TLR5: variants seen among roughly 807,000 people sequenced by gnomAD.
The protein encoded by TLR5 is toll-like receptor 5.
For synonymous variants in TLR5, 373 were observed against 384.4 expected (o/e 0.97, Z 0.35); for missense variants, 944 against 999.8 (o/e 0.94, Z 0.75).
At position 223,135,721 on chromosome 1, in the gene TLR5, C is replaced by T. The variant is rs188439176; in HGVS notation, c.-352-857G>A. Among the ~76,000 whole-genome samples the T allele has an allele frequency of 3.2e-4, 49 of 152,280 alleles. 1 individual carries two copies. The highest frequency in any genetic ancestry group is 9.6e-4 in the East Asian group (5 of 5,186). ...CAATCCTCCCTGAAGCAGAACATTCCTTCTTCATTCTGGCAAATTTGCAAG... is the reference window on the plus strand; with the variant it reads ...CAATCCTCCCTGAAGCAGAACATTCTTTCTTCATTCTGGCAAATTTGCAAG... On this transcript the variant is annotated intron_variant, in intron 3 of 5. Transcript: ENST00000642603.
chr1:223,121,613 G>A (rs191027114), intron 5 of TLR5, among the ~76,000 whole-genome samples: 1 of 152,140 alleles, frequency 6.6e-6, no homozygotes, highest in Non-Finnish European at 1.5e-5. Flanking sequence ...TAATTTCCTG[G>A]GCTCAAGTGA....
intron 5 of TLR5, among the ~76,000 whole-genome samples, chr1:223,124,082 AACC>A (rs1031803592): frequency 6.6e-6 from 1 of 152,218 alleles, no homozygotes; most frequent in African/African-American, 2.4e-5. Context: ...ACACAATAAA[AACC>A]ACAAGGCTCA....
chr1:223,138,605 C>T (rs1444883834), intron 2 of TLR5, among the ~76,000 whole-genome samples: 2 of 152,102 alleles, frequency 1.3e-5, no homozygotes, highest in African/African-American at 4.8e-5. Flanking sequence ...AGAACATTTC[C>T]TTTTTAACAT....
At chr1:223,115,856 G>GA (rs1258581680) in intron 5 of TLR5, among the ~76,000 whole-genome samples, 1 of 152,056 alleles carries the variant, frequency 6.6e-6, no homozygotes, top group Non-Finnish European at 1.5e-5. Context: ...ACGTTTGAGG[G>GA]AAAGGAGCAG....
rs777129634 is a variant in TLR5 at position 223,111,122 on chromosome 1, G to T, written c.1910C>A (p.Ser637Tyr). The change falls in exon 6 of 6, where the codon TCC (serine) becomes TAC (tyrosine). Residue 637 changes from serine (S) to tyrosine (Y), a missense_variant. Ser to Tyr is a moderately radical substitution (Grantham distance 144). Coordinates refer to ENST00000642603, the MANE Select transcript of TLR5 (RefSeq NM_003268.6). ...TACAATGAAAAGGGAGAACTTTAGG[G>T]ACTTTAAGACTTCCTCTTCATCACA... is the stretch of plus-strand genomic sequence containing the variant. ...EGCDEEEVLK[S>Y]LKFSLFIVCT... 1 of 1,614,198 alleles carries T rather than the reference G, an allele frequency of 6.2e-7. No individual in the cohort carries two copies. Among genetic ancestry groups the T allele is most frequent in the Middle Eastern group, 1.6e-4 (1 of 6,062 alleles).
In TLR5 at chr1:223,110,374, G is replaced by T. The variant is rs892443937; in HGVS notation, c.*81C>A. 2 of 1,492,786 alleles carry T rather than the reference G, an allele frequency of 1.3e-6. No homozygotes were observed. The highest frequency in any genetic ancestry group is 1.7e-5 in the Admixed American group (1 of 57,942). The allele number at this position is 1,492,786 out of a possible 1,614,324, so 92.5% of individuals were successfully genotyped here. On this transcript the variant is annotated 3_prime_UTR_variant, in exon 6 of 6. Transcript: ENST00000642603. ...AAAGAAAAAAAAAACCTCCAGAGAG[G>T]ACCCCAAAATGATAACTTGGTGCAA... is the stretch of plus-strand genomic sequence containing the variant.
rs139598062 is a variant in TLR5 at position 223,110,840 on chromosome 1, T to C, written c.2192A>G (p.Glu731Gly). ...DQNRFNLCFEERDFVPGENRI... is the reference protein window; with the variant it reads ...DQNRFNLCFEGRDFVPGENRI... ...GTTTTCTCCTGGGACAAAGTCTCTT[T>C]CTTCAAAGCACAGGTTGAATCTGTT... is the stretch of plus-strand genomic sequence containing the variant. Residue 731 changes from glutamate to glycine, a missense_variant, in exon 6 of 6, where the codon GAA (glutamate) becomes GGA (glycine). Glu to Gly is a moderately conservative substitution (Grantham distance 98). Coordinates refer to ENST00000642603, the MANE Select transcript of TLR5 (RefSeq NM_003268.6). 12 of 1,614,158 alleles carry C rather than the reference T, an allele frequency of 7.4e-6. No homozygotes were observed. In the African/African-American group the frequency reaches 1.5e-4, roughly 20 times the overall value.
At chr1:223,113,703 T>C (rs1327300306) in intron 5 of TLR5, among the ~76,000 whole-genome samples, 4 of 152,184 alleles carry the variant, frequency 2.6e-5, no homozygotes, top group Non-Finnish European at 5.9e-5. Context: ...CAAGCGATCC[T>C]CCTACCTTGG....
At chr1:223,138,521 T>C (rs2353476) in intron 2 of TLR5, among the ~76,000 whole-genome samples, 91,295 of 151,846 alleles carry the variant, frequency 0.6, 28,383 homozygotes, top group East Asian at 0.76. Context: ...GTTAAACTGT[T>C]GCCACTATGC....
chr1:223,142,589 G>C (rs1379041849), intron 1 of TLR5, among the ~76,000 whole-genome samples: 1 of 152,192 alleles, frequency 6.6e-6, no homozygotes, highest in Non-Finnish European at 1.5e-5. Flanking sequence ...ACAGGAGCAT[G>C]GCCACTGGGC....
At chr1:223,125,771 T>A (rs1192778869) in intron 5 of TLR5, among the ~76,000 whole-genome samples, 1 of 152,182 alleles carries the variant, frequency 6.6e-6, no homozygotes, top group Non-Finnish European at 1.5e-5. Context: ...CACACCGGAA[T>A]CACCAGGAGA....
intron 2 of TLR5, 87 bp downstream of exon 2, chr1:223,141,561 T>A (rs1210013162): frequency 6.6e-6 from 1 of 151,708 alleles, no homozygotes; most frequent in East Asian, 1.9e-4. Flanking sequence ...TCACCTGAGG[T>A]CAGGAGTTTG....
intron 5 of TLR5, among the ~76,000 whole-genome samples, chr1:223,114,676 C>A (rs1656537315): frequency 6.6e-6 from 1 of 152,142 alleles, no homozygotes; most frequent in African/African-American, 2.4e-5. Flanking sequence ...CAAGCTACAG[C>A]AAATCAGAAG....
At chr1:223,126,461 A>G (rs1468025777) in intron 5 of TLR5, among the ~76,000 whole-genome samples, 1 of 152,208 alleles carries the variant, frequency 6.6e-6, no homozygotes, top group Non-Finnish European at 1.5e-5. Context: ...CTGCCTAAAA[A>G]TTATTAAAAT....
rs1656315154 is a variant in TLR5, at chr1:223,111,218, G to A, written c.1814C>T (p.Pro605Leu). 2 of 1,614,190 alleles carry A rather than the reference G, an allele frequency of 1.2e-6. No homozygotes were observed. Among genetic ancestry groups the A allele is most frequent in the Non-Finnish European group, 1.7e-6 (2 of 1,180,028 alleles). ...NHTNVTIAGP[P>L]ADIYCVYPDS... ...AGGGTACACACAATATATGTCTGCA[G>A]GAGGCCCAGCTATAGTGACATTGGT... Residue 605 changes from proline (P) to leucine (L), a missense_variant, in exon 6 of 6, where the codon CCT becomes CTT. Pro to Leu is a moderately conservative substitution (Grantham distance 98, BLOSUM62 -3). Coordinates refer to ENST00000642603, the MANE Select transcript of TLR5 (RefSeq NM_003268.6).
intron 5 of TLR5, among the ~76,000 whole-genome samples, chr1:223,125,158 T>C (rs1481136823): frequency 1.3e-5 from 2 of 152,204 alleles, no homozygotes; most frequent in Non-Finnish European, 2.9e-5. Context: ...CTCCAGCATA[T>C]CAATAGTCTT....
chr1:223,124,065 C>CA (rs1419848884), intron 5 of TLR5, among the ~76,000 whole-genome samples: 1 of 152,198 alleles, frequency 6.6e-6, no homozygotes, highest in East Asian at 1.9e-4. Flanking sequence ...TTACACTATG[C>CA]AAAATCACAC....
rs369084381 is a variant in TLR5 at position 223,133,658 on chromosome 1, C to T, written c.-169-1019G>A. Among the ~76,000 whole-genome samples the T allele has an allele frequency of 1.4e-4, 22 of 152,312 alleles. No individual in the cohort carries two copies. The East Asian group carries it at 4.0e-3, about 28-fold the overall frequency. On this transcript the variant is annotated intron_variant, in intron 4 of 5. Transcript: ENST00000642603. The stretch of plus-strand genomic sequence containing the variant: ...GGGGCTATACTAATACATTCACTTC[C>T]CCTTCCTCCCCATTTTTCTCAGCGC...
At chr1:223,124,951 G>A (rs938893769) in intron 5 of TLR5, among the ~76,000 whole-genome samples, 3 of 152,148 alleles carry the variant, frequency 2.0e-5, no homozygotes, top group Admixed American at 6.5e-5. Flanking sequence ...ATATCAGAGG[G>A]GAAGTTACAG....
Sources: allele counts gnomAD v4.1 joint callset (sites outside exome capture counted in the v4.1 genomes callset), GRCh38; gene constraint gnomAD v4.1.1; transcripts MANE v1.5; gene names NCBI Gene and HGNC (gene_info 2026-07-23, HGNC 2026-07-21).